Variants in RREB1 observed in about 807,000 individuals in gnomAD.
RREB1 encodes ras-responsive element-binding protein 1.
Under a neutral mutation model 117.8 loss-of-function variants are expected in RREB1, and 27 were observed. The observed-to-expected ratio is 0.23, with a 90% CI of 0.17 to 0.32. The LOEUF (loss-of-function observed/expected upper bound fraction) is 0.32, where lower values mean the gene tolerates loss of function less well. Among genes scored for constraint, RREB1 ranks in the 10% least tolerant of loss-of-function variants. RREB1 has a pLI of 1.00. For missense variants in RREB1, 2,577 were observed against 2,378.2 expected, an observed-to-expected ratio of 1.08 and a Z score of -1.74; for synonymous variants, 1,298 against 1,026.7, an observed-to-expected ratio of 1.26 and a Z score of -5.05.
rs1293372335 is a variant in RREB1, at chr6:7,208,929, G to GT, written c.426-1873dup. 3.9e-5 allele frequency among the ~76,000 whole-genome samples: 6 copies of GT among 152,166 alleles called. 1 individual carries two copies. In the East Asian group the frequency reaches 1.2e-3, roughly 29 times the overall value. On this transcript the variant is annotated intron_variant, in intron 6 of 12. Coordinates refer to ENST00000379938, the MANE Select transcript of RREB1 (RefSeq NM_001003699.4). ...TTTGGGGGAAGAGCATGAGCTCAGA[G>GT]TTGGTGCACATAGGTCGGCTCAAGC... is the stretch of plus-strand genomic sequence containing the variant.
chr6:7,180,995 A>C (rs140911604), intron 2 of RREB1, 129 bp from the exon 3 acceptor site: 92 of 392,150 alleles, frequency 2.3e-4, no homozygotes, highest in African/African-American at 1.7e-3. Context: ...AAAGGCAGAC[A>C]TTGCCTCTCA....
Position 7,174,871 on chromosome 6 carries a change from A to T in RREB1, c.-284-1784A>T, listed in dbSNP as rs1414216053. 2.0e-5 allele frequency among the ~76,000 whole-genome samples: 3 copies of T among 152,184 alleles called. No homozygotes were observed. In the South Asian group the frequency reaches 6.2e-4, roughly 32 times the overall value. ...TGATCCACCTGCCTCAGTGTCCCTA[A>T]GTGCTGGGATTATAGATGTGAGCCA... On this transcript the variant is annotated intron_variant, in intron 1 of 12. Coordinates refer to ENST00000379938, the MANE Select transcript of RREB1 (RefSeq NM_001003699.4).
At chr6:7,124,284 A>C (rs1761812668) in intron 1 of RREB1, among the ~76,000 whole-genome samples, 1 of 152,144 alleles carries the variant, frequency 6.6e-6, no homozygotes, top group Non-Finnish European at 1.5e-5. Context: ...TGGTGTGCTC[A>C]AGAAAAGGGG....
At chr6:7,109,217 C>T (rs924587322) in intron 1 of RREB1, among the ~76,000 whole-genome samples, 1 of 151,900 alleles carries the variant, frequency 6.6e-6, no homozygotes, top group Non-Finnish European at 1.5e-5. Flanking sequence ...CGGCCCCCGG[C>T]GTCTAGCTGG....
chr6:7,239,203 T>TAACCCA (rs1768529249), intron 10 of RREB1, among the ~76,000 whole-genome samples: 1 of 152,232 alleles, frequency 6.6e-6, no homozygotes, highest in Non-Finnish European at 1.5e-5. Flanking sequence ...TGTTTAATTG[T>TAACCCA]GGCAATCCTA....
At position 7,249,015 on chromosome 6, in the gene RREB1, G is replaced by A. The variant is rs1377869723; in HGVS notation, c.*47G>A. On this transcript the variant is annotated 3_prime_UTR_variant, in exon 13 of 13. Transcript: ENST00000379938. ...CAGACAAAAGCCAGCAGAGCAAAGC[G>A]TCTATACTTCATGGGGTTTCCTCAG... 20 of 1,400,134 alleles carry A rather than the reference G, an allele frequency of 1.4e-5. No homozygotes were observed. The highest frequency in any genetic ancestry group is 1.2e-4 in the African/African-American group (8 of 68,808). 86.7% of individuals were successfully genotyped at this position (1,400,134 alleles called of 1,614,324 possible). A position where few individuals can be genotyped will look rare whatever the true frequency, so the allele number is the denominator to read the frequency against.
At chr6:7,232,604 T>C (rs1187122105) in intron 10 of RREB1, among the ~76,000 whole-genome samples, 1 of 152,042 alleles carries the variant, frequency 6.6e-6, no homozygotes, top group Non-Finnish European at 1.5e-5. Flanking sequence ...GGAAAACAAC[T>C]CCTTCCTGAG....
At chr6:7,164,789 G>T (rs769525981) in intron 1 of RREB1, among the ~76,000 whole-genome samples, 2 of 152,218 alleles carry the variant, frequency 1.3e-5, no homozygotes, top group Non-Finnish European at 2.9e-5. Flanking sequence ...GAAAATCAAA[G>T]ACCACGACCT....
chr6:7,159,193 T>C (rs1028861611), intron 1 of RREB1, among the ~76,000 whole-genome samples: 6 of 152,178 alleles, frequency 3.9e-5, no homozygotes, highest in Admixed American at 3.9e-4. Flanking sequence ...AAAACAAACA[T>C]TCTCCGTAAG....
At chr6:7,224,693 T>C (rs1296394027) in intron 8 of RREB1, among the ~76,000 whole-genome samples, 1 of 152,208 alleles carries the variant, frequency 6.6e-6, no homozygotes, top group East Asian at 1.9e-4. Context: ...ATCTGTCTCA[T>C]GGCCTGTGAT....
chr6:7,212,327 T>C (rs1273338788), intron 8 of RREB1: 1 of 152,274 alleles, frequency 6.6e-6, no homozygotes, highest in Non-Finnish European at 1.5e-5. Flanking sequence ...GCAGCTCCAG[T>C]GTTTCTGATC....
intron 6 of RREB1, among the ~76,000 whole-genome samples, chr6:7,200,481 C>A (rs549526296): frequency 6.6e-6 from 1 of 151,896 alleles, no homozygotes; most frequent in African/African-American, 2.4e-5. Context: ...GTTGGCCAGG[C>A]GGGTCTCAAA....
rs933619287 is a variant in RREB1, at chr6:7,114,625, G to A, written c.-285+6565G>A. On this transcript the variant is annotated intron_variant, in intron 1 of 12. Coordinates refer to ENST00000379938, the MANE Select transcript of RREB1 (RefSeq NM_001003699.4). Reference sequence around the variant, plus strand: ...GAAAGGTACAGTAGTCGTGGCCTGGGTCTCATCTACAAGTCCACTGGGTGC... The same window carrying A: ...GAAAGGTACAGTAGTCGTGGCCTGGATCTCATCTACAAGTCCACTGGGTGC... Among the ~76,000 whole-genome samples the A allele has an allele frequency of 4.6e-5, 7 of 152,236 alleles. No individual in the cohort carries two copies. In the East Asian group the frequency reaches 1.2e-3, roughly 25 times the overall value.
chr6:7,226,103 G>T (rs1316076328), intron 8 of RREB1, among the ~76,000 whole-genome samples: 1 of 152,182 alleles, frequency 6.6e-6, no homozygotes, highest in Non-Finnish European at 1.5e-5. Context: ...CTCAGGGAGA[G>T]AGAAACCTCT....
chr6:7,114,324 G>A (rs1761282294), intron 1 of RREB1, among the ~76,000 whole-genome samples: 1 of 152,210 alleles, frequency 6.6e-6, no homozygotes, highest in African/African-American at 2.4e-5. Flanking sequence ...GTTTCACCAT[G>A]TTGATCAGGG....
chr6:7,190,442 G>A (rs542737890), intron 6 of RREB1, among the ~76,000 whole-genome samples: 61 of 152,236 alleles, frequency 4.0e-4, no homozygotes, highest in Non-Finnish European at 6.6e-4. Flanking sequence ...TATTATTTGC[G>A]TTTCTAAGTA....
intron 1 of RREB1, among the ~76,000 whole-genome samples, chr6:7,149,277 A>T (rs923726374): frequency 4.6e-5 from 7 of 152,214 alleles, no homozygotes; most frequent in Non-Finnish European, 1.0e-4. Flanking sequence ...AAGAATATAT[A>T]AAATGTCATG....
Position 7,246,987 on chromosome 6 carries a change from G to T in RREB1, c.4537G>T (p.Gly1513Cys). ...TPAEVVESAP[G>C]AGEAPAEKLA... The stretch of plus-strand genomic sequence containing the variant: ...GGCAGAGGTGGTGGAGTCGGCCCCG[G>T]GTGCCGGGGAGGCCCCGGCGGAAAA... The change falls in exon 12 of 13, where the codon GGT (glycine) becomes TGT (cysteine). Residue 1513 changes from glycine (G) to cysteine (C), a missense_variant. By Grantham distance (159) the Gly-to-Cys change is radical. Coordinates refer to ENST00000379938, the MANE Select transcript of RREB1 (RefSeq NM_001003699.4). 1 of 1,592,422 alleles carries T rather than the reference G, an allele frequency of 6.3e-7. No individual in the cohort carries two copies. Among genetic ancestry groups the T allele is most frequent in the Non-Finnish European group, 8.5e-7 (1 of 1,170,258 alleles).
intron 2 of RREB1, among the ~76,000 whole-genome samples, chr6:7,177,180 C>T (rs1764537813): frequency 7.4e-6 from 1 of 135,790 alleles, no homozygotes; most frequent in Admixed American, 8.1e-5. Flanking sequence ...GATAGTGCCA[C>T]TGCACTACAG....
Sources: allele counts gnomAD v4.1 joint callset (sites outside exome capture counted in the v4.1 genomes callset), GRCh38; gene constraint gnomAD v4.1.1; transcripts MANE v1.5; gene names NCBI Gene and HGNC (gene_info 2026-07-23, HGNC 2026-07-21).